PRKCQ: variants seen among roughly 807,000 people sequenced by gnomAD.
PRKCQ encodes the protein protein kinase C theta type.
In PRKCQ, 41 loss-of-function variants were observed where a neutral mutation model predicts 91.2. The observed-to-expected ratio is 0.45, with a 90% CI of 0.35 to 0.58. The LOEUF (loss-of-function observed/expected upper bound fraction) is 0.58. Ranked by LOEUF, PRKCQ falls within the 20% of genes least tolerant of loss-of-function variation. The pLI is 0.00. For missense variants in PRKCQ, 673 were observed against 896.5 expected (o/e 0.75, Z 3.18); for synonymous variants, 307 against 316.9 (o/e 0.97, Z 0.33).
At chr10:6,418,515 C>CTG in the PRKCQ span, among the ~76,000 whole-genome samples, 139,692 of 151,814 alleles carry the variant, frequency 0.92, 64,397 homozygotes, top group Non-Finnish European at 0.94. Context: ...GAAGGAATAC[C>CTG]TGCCCACCAC....
chr10:6,549,140 G>A (rs923581236), intron 1 of PRKCQ, among the ~76,000 whole-genome samples: 1 of 152,110 alleles, frequency 6.6e-6, no homozygotes. Context: ...CAGTACATGG[G>A]GCCATATAAG....
chr10:6,542,081 G>A (rs565899669), intron 1 of PRKCQ, among the ~76,000 whole-genome samples: 4 of 152,276 alleles, frequency 2.6e-5, no homozygotes, highest in South Asian at 2.1e-4. Context: ...CATGGACCCC[G>A]GCTCTAACTG....
chr10:6,503,456 A>G (rs1193008839), intron 4 of PRKCQ, among the ~76,000 whole-genome samples: 1 of 152,218 alleles, frequency 6.6e-6, no homozygotes, highest in Non-Finnish European at 1.5e-5. Context: ...GAACAGAGGA[A>G]GAAGAGAAAA....
chr10:6,467,415 G>C (rs1239585563), intron 12 of PRKCQ, among the ~76,000 whole-genome samples: 6 of 133,226 alleles, frequency 4.5e-5, no homozygotes, highest in Non-Finnish European at 9.8e-5. Flanking sequence ...GAGAGAGAGA[G>C]AGAGAGAGAG....
chr10:6,508,579 G>A, intron 3 of PRKCQ, among the ~76,000 whole-genome samples: 1 of 152,246 alleles, frequency 6.6e-6, no homozygotes, highest in East Asian at 1.9e-4. Flanking sequence ...TTTCATATGA[G>A]TTTCAACAGA....
the PRKCQ span, among the ~76,000 whole-genome samples, chr10:6,395,546 C>T: frequency 2.6e-5 from 4 of 152,140 alleles, no homozygotes; most frequent in Admixed American, 2.6e-4. Context: ...GTCAGAATCC[C>T]GTAGCCTCCA....
chr10:6,543,276 C>T (rs764269199), intron 1 of PRKCQ, among the ~76,000 whole-genome samples: 2 of 152,200 alleles, frequency 1.3e-5, no homozygotes, highest in African/African-American at 2.4e-5. Flanking sequence ...GTGGAGTTCG[C>T]GGAGCTGAAA....
Position 6,569,718 on chromosome 10 carries a change from T to C in PRKCQ, c.-10+10493A>G, listed in dbSNP as rs76781193. ...ATTGGTTTGGGGCAAGCTATGGAGA[T>C]AGGGGAGACAGAATCAAGGAAAGAC... On this transcript the variant is annotated intron_variant, in intron 1 of 17. Coordinates refer to ENST00000263125, the MANE Select transcript of PRKCQ (RefSeq NM_006257.5). Among the ~76,000 whole-genome samples, 365 of 151,826 alleles carry C rather than the reference T, an allele frequency of 2.4e-3. 7 individuals carry two copies. The East Asian group carries it at 0.044, about 18-fold the overall frequency.
chr10:6,529,163 T>C (rs1839300407), intron 1 of PRKCQ, among the ~76,000 whole-genome samples: 2 of 152,216 alleles, frequency 1.3e-5, no homozygotes, highest in African/African-American at 4.8e-5. Flanking sequence ...AGGATTTCTA[T>C]GGACAAAGTC....
chr10:6,452,221 A>G (rs1048415786), intron 15 of PRKCQ, among the ~76,000 whole-genome samples: 1 of 152,252 alleles, frequency 6.6e-6, no homozygotes, highest in African/African-American at 2.4e-5. Flanking sequence ...AAGCAACTTC[A>G]GCAAAGTCTC....
chr10:6,512,681 G>C (rs1313894326), intron 2 of PRKCQ, among the ~76,000 whole-genome samples: 3 of 152,144 alleles, frequency 2.0e-5, no homozygotes, highest in Non-Finnish European at 4.4e-5. Context: ...TCTAACTTTC[G>C]AGGGCCCCTT....
intron 1 of PRKCQ, among the ~76,000 whole-genome samples, chr10:6,522,708 T>C (rs1287979342): frequency 6.6e-6 from 1 of 152,224 alleles, no homozygotes; most frequent in Non-Finnish European, 1.5e-5. Flanking sequence ...GGGAGATGGC[T>C]CAGTGTTGGG....
In PRKCQ at chr10:6,497,050, A is replaced by T; in HGVS notation, c.645T>A (p.Asn215Lys). 6.2e-7 allele frequency: 1 copy of T among 1,612,880 alleles called. No homozygotes were observed. The highest frequency in any genetic ancestry group is 1.1e-5 in the South Asian group (1 of 91,016). ...AAATACTCACCATGGTTTCTCGGCT[A>T]TTGATAGCTGATCCTGTGCACTTTG... ...VIAKCTGSAINSRETMFHKER... is the reference protein window; with the variant it reads ...VIAKCTGSAIKSRETMFHKER... The change falls in exon 7 of 18, where the codon AAT (asparagine) becomes AAA (lysine). Residue 215 changes from asparagine to lysine, a missense_variant. Transcript: ENST00000263125. The surrounding 1 kb of genome is among the most constrained non-coding windows in gnomAD (Gnocchi z 4.5).
At chr10:6,527,878 TAA>T (rs35034282) in intron 1 of PRKCQ, among the ~76,000 whole-genome samples, 1 of 152,204 alleles carries the variant, frequency 6.6e-6, no homozygotes, top group Non-Finnish European at 1.5e-5. Flanking sequence ...GCTTAACTTC[TAA>T]AACTGAGTTC....
chr10:6,477,439 G>T (rs937387056), intron 12 of PRKCQ, among the ~76,000 whole-genome samples: 1 of 152,190 alleles, frequency 6.6e-6, no homozygotes, highest in Admixed American at 6.5e-5. Context: ...GAACTGCAGA[G>T]GTGGTGATGG....
intron 12 of PRKCQ, among the ~76,000 whole-genome samples, chr10:6,466,050 A>G (rs1835633114): frequency 1.3e-5 from 2 of 152,248 alleles, no homozygotes; most frequent in African/African-American, 2.4e-5. Context: ...TACTCAAACT[A>G]TAATGGCCCT....
At chr10:6,404,968 T>TTCCTTCCTTCCTTC in the PRKCQ span, among the ~76,000 whole-genome samples, 18 of 147,304 alleles carry the variant, frequency 1.2e-4, no homozygotes, top group Admixed American at 3.4e-4. Flanking sequence ...CCTTCCTTCC[T>TTCCTTCCTTCCTTC]TCTCTCTCTC....
At chr10:6,467,397 G>GAGAGAGAGAC (rs1564324391) in intron 12 of PRKCQ, among the ~76,000 whole-genome samples, 23 of 76,302 alleles carry the variant, frequency 3.0e-4, no homozygotes, top group African/African-American at 7.9e-4. Flanking sequence ...GACAGAGAGA[G>GAGAGAGAGAC]AGAGAGAGAG....
intron 15 of PRKCQ, among the ~76,000 whole-genome samples, chr10:6,451,447 C>A (rs1834670222): frequency 6.6e-6 from 1 of 152,084 alleles, no homozygotes; most frequent in Admixed American, 6.5e-5. Context: ...AGCTTACCAA[C>A]CAAAAAGAGT....
Sources: gnomAD v4.1 joint callset for allele counts (sites outside exome capture counted in the v4.1 genomes callset) on GRCh38, gnomAD v4.1.1 for gene constraint, Gnocchi (gnomAD v3.1) non-coding constraint, MANE v1.5 for transcripts, NCBI Gene and HGNC (gene_info 2026-07-23, HGNC 2026-07-21) for gene names.